Variants in LDHC observed in about 807,000 individuals in gnomAD.
LDHC encodes the protein lactate dehydrogenase C, also known as L-lactate dehydrogenase C chain.
A neutral mutation model predicts 30.2 loss-of-function variants in LDHC; 20 were observed. The ratio of observed to expected loss-of-function variants is 0.66; its 90% confidence interval spans 0.47 to 0.96. The LOEUF (loss-of-function observed/expected upper bound fraction) is 0.96, where lower values mean the gene tolerates loss of function less well. LDHC is among the 40% of genes least tolerant of loss of function. LDHC has a pLI of 0.00. For missense variants in LDHC, 362 were observed against 394.9 expected (o/e 0.92, Z 0.71); for synonymous variants, 139 against 132.7 (o/e 1.05, Z -0.32).
chr11:18,419,326 T>C (rs1040800903), intron 3 of LDHC, among the ~76,000 whole-genome samples: 1 of 152,216 alleles, frequency 6.6e-6, no homozygotes, highest in African/African-American at 2.4e-5. Flanking sequence ...TAGTTTACCA[T>C]TGCCAGAACT....
intron 5 of LDHC, among the ~76,000 whole-genome samples, chr11:18,436,805 A>T (rs1243762325): frequency 6.6e-6 from 1 of 152,010 alleles, no homozygotes; most frequent in Non-Finnish European, 1.5e-5. Context: ...CAAAGATCTT[A>T]GAATGCTTTT....
At position 18,414,926 on chromosome 11, in the gene LDHC, C is replaced by CA. The variant is rs139150798; in HGVS notation, c.127-249dup. Among the ~76,000 whole-genome samples, 263 of 148,224 alleles carry CA rather than the reference C, an allele frequency of 1.8e-3. 1 individual carries two copies. Among genetic ancestry groups the CA allele is most frequent in the Non-Finnish European group, 2.3e-3 (153 of 66,876 alleles). Reference sequence around the variant, plus strand: ...TGGTTTCAAACTGTTATCTGAATGGCAAAAAAAAACAAAAACAAAAAACAC... The same window carrying CA: ...TGGTTTCAAACTGTTATCTGAATGGCAAAAAAAAAACAAAAACAAAAAACAC... On this transcript the variant is annotated intron_variant, in intron 2 of 7. Coordinates refer to ENST00000541669, the MANE Select transcript of LDHC (RefSeq NM_017448.5).
intron 6 of LDHC, among the ~76,000 whole-genome samples, chr11:18,443,809 T>C (rs923589172): frequency 2.0e-5 from 3 of 152,214 alleles, no homozygotes; most frequent in South Asian, 4.1e-4. Context: ...AGGATTAAGA[T>C]CACATTTCCC....
rs1848653277 is a variant in LDHC, at chr11:18,451,379, T to G, written c.*252T>G. 2.4e-5 allele frequency: 6 copies of G among 246,016 alleles called. No individual in the cohort carries two copies. The South Asian group carries it at 6.1e-4, about 25-fold the overall frequency. The allele number at this position is 246,016 out of a possible 1,614,324, so 15.2% of individuals were successfully genotyped here. A position where few individuals can be genotyped will look rare whatever the true frequency, so the allele number is the denominator to read the frequency against. ...AGTTATACTTCTGAGGTATGTCACA[T>G]ATGTTAGAGTGCCTTCAGATGTAGT... On this transcript the variant is annotated 3_prime_UTR_variant, in exon 8 of 8. Coordinates refer to ENST00000541669, the MANE Select transcript of LDHC (RefSeq NM_017448.5).
chr11:18,415,246 G>A lies in LDHC; in HGVS notation c.189G>A (p.Met63Ile). ...TGGACAAACTGAAGGGAGAAATGAT[G>A]GATCTTCAGCATGGCAGTCTTTTCT... ...VALDKLKGEM[M>I]DLQHGSLFFS... Residue 63 changes from methionine to isoleucine, a missense_variant, in exon 3 of 8, where the codon ATG becomes ATA. Physicochemically the swap from Met to Ile is conservative, Grantham distance 10. Coordinates refer to ENST00000541669, the MANE Select transcript of LDHC (RefSeq NM_017448.5). 2 of 1,610,298 alleles carry A rather than the reference G, an allele frequency of 1.2e-6. No individual in the cohort carries two copies. Among genetic ancestry groups the A allele is most frequent in the South Asian group, 2.2e-5 (2 of 90,698 alleles).
At chr11:18,442,660 C>CTTTTT (rs34884188) in intron 6 of LDHC, among the ~76,000 whole-genome samples, 18 of 112,612 alleles carry the variant, frequency 1.6e-4, no homozygotes, top group East Asian at 2.6e-4. Flanking sequence ...TTCTCTCTCT[C>CTTTTT]TTTTTTTTTT....
chr11:18,442,570 TTTC>T (rs1848485025), intron 6 of LDHC, among the ~76,000 whole-genome samples: 1 of 152,194 alleles, frequency 6.6e-6, no homozygotes, highest in South Asian at 2.1e-4. Context: ...AGACTGTTTT[TTTC>T]CCCCCTCTAT....
chr11:18,414,735 C>T (rs1004755230), intron 2 of LDHC, among the ~76,000 whole-genome samples: 1 of 151,970 alleles, frequency 6.6e-6, no homozygotes, highest in African/African-American at 2.4e-5. Flanking sequence ...GGCTGAAGCA[C>T]GAAAATTGCT....
At chr11:18,420,600 C>A in intron 3 of LDHC, among the ~76,000 whole-genome samples, 1 of 131,064 alleles carries the variant, frequency 7.6e-6, no homozygotes, top group East Asian at 2.4e-4. Context: ...AGAAGGATCA[C>A]TTTGAGACCA....
chr11:18,428,484 A>G (rs1023177875), intron 3 of LDHC, among the ~76,000 whole-genome samples: 1 of 152,100 alleles, frequency 6.6e-6, no homozygotes, highest in African/African-American at 2.4e-5. Context: ...CTAAAAGAAC[A>G]TGAAAAGTCG....
intron 7 of LDHC, among the ~76,000 whole-genome samples, chr11:18,449,263 T>TC (rs934738388): frequency 8.6e-5 from 13 of 150,732 alleles, no homozygotes; most frequent in African/African-American, 3.2e-4. Flanking sequence ...ATAACAAGAC[T>TC]CCATCTCTAT....
At chr11:18,414,053 G>C (rs952809413) in intron 2 of LDHC, among the ~76,000 whole-genome samples, 5 of 152,170 alleles carry the variant, frequency 3.3e-5, no homozygotes, top group African/African-American at 7.2e-5. Context: ...CTTTCTATGT[G>C]GTGGTAAAGA....
At chr11:18,427,476 A>G (rs997849588) in intron 3 of LDHC, among the ~76,000 whole-genome samples, 3 of 152,190 alleles carry the variant, frequency 2.0e-5, no homozygotes, top group African/African-American at 7.2e-5. Context: ...CACAGCTAGT[A>G]AGTGGCAAAG....
chr11:18,442,413 T>C (rs1484178677), intron 6 of LDHC, among the ~76,000 whole-genome samples: 8 of 152,180 alleles, frequency 5.3e-5, no homozygotes, highest in Admixed American at 5.2e-4. Flanking sequence ...CTTTGTATCA[T>C]ATATTCTTCA....
At chr11:18,442,572 T>TC (rs1311157935) in intron 6 of LDHC, among the ~76,000 whole-genome samples, 1 of 151,966 alleles carries the variant, frequency 6.6e-6, no homozygotes, top group Admixed American at 6.6e-5. Context: ...ACTGTTTTTT[T>TC]CCCCCCTCTA....
At position 18,434,167 on chromosome 11, in the gene LDHC, TC is replaced by T. The variant is rs976709420; in HGVS notation, c.419-572del. Among the ~76,000 whole-genome samples the T allele has an allele frequency of 3.7e-4, 56 of 152,226 alleles. 1 individual carries two copies. Among genetic ancestry groups the T allele is most frequent in the African/African-American group, 1.3e-3 (54 of 41,578 alleles). On this transcript the variant is annotated intron_variant, in intron 4 of 7. Coordinates refer to ENST00000541669, the MANE Select transcript of LDHC (RefSeq NM_017448.5). The stretch of plus-strand genomic sequence containing the variant: ...ATTTCCTGAATTTTTTATTGTTTTT[TC>T]TTTAAGCTATTTATTTATGTGAATA...
intron 3 of LDHC, among the ~76,000 whole-genome samples, chr11:18,423,182 C>T (rs1280319777): frequency 1.3e-5 from 2 of 151,882 alleles, no homozygotes; most frequent in Admixed American, 6.6e-5. Context: ...AAAAATTAGC[C>T]AGGCGTGATG....
At chr11:18,444,604 G>GTATATGTATA (rs1848519311) in intron 6 of LDHC, among the ~76,000 whole-genome samples, 11 of 89,306 alleles carry the variant, frequency 1.2e-4, no homozygotes, top group Admixed American at 1.4e-4. Context: ...TGTTCAGGTG[G>GTATATGTATA]TATATATATA....
intron 4 of LDHC, among the ~76,000 whole-genome samples, chr11:18,434,217 A>ATTTTTTTTTTT (rs60806253): frequency 1.4e-5 from 2 of 146,078 alleles, no homozygotes; most frequent in Non-Finnish European, 3.0e-5. Flanking sequence ...TTCTTGTATC[A>ATTTTTTTTTTT]TTTTTTTTTT....
Sources: gnomAD v4.1 joint callset for allele counts (sites outside exome capture counted in the v4.1 genomes callset) on GRCh38, gnomAD v4.1.1 for gene constraint, MANE v1.5 for transcripts, NCBI Gene and HGNC (gene_info 2026-07-23, HGNC 2026-07-21) for gene names.